Variants in GREM2 observed in about 807,000 individuals in gnomAD.
GREM2 encodes the protein gremlin 2, DAN family BMP antagonist.
A neutral mutation model predicts 14.2 loss-of-function variants in GREM2; 11 were observed. The observed-to-expected ratio is 0.78, with a 90% CI of 0.49 to 1.28. The LOEUF (loss-of-function observed/expected upper bound fraction) is 1.28, where lower values mean the gene tolerates loss of function less well. Ranked by LOEUF, GREM2 falls within the 50% of genes most tolerant of loss-of-function variation. The pLI, the probability that GREM2 is intolerant of heterozygous loss-of-function variation, is 0.00. For missense variants in GREM2, 210 were observed against 218.5 expected (o/e 0.96, Z 0.24); for synonymous variants, 98 against 97.6 (o/e 1.00, Z -0.02).
At chr1:240,509,729 T>A (rs908068719) in intron 1 of GREM2, among the ~76,000 whole-genome samples, 5 of 152,084 alleles carry the variant, frequency 3.3e-5, no homozygotes, top group African/African-American at 1.2e-4. Flanking sequence ...GAAGTTCGAA[T>A]CTCTTTCAGG....
chr1:240,528,756 A>C (rs142370431), intron 1 of GREM2, among the ~76,000 whole-genome samples: 2,249 of 152,262 alleles, frequency 0.015, 40 homozygotes, highest in Non-Finnish European at 0.017. Context: ...TTGCCAGGGA[A>C]ATGATGAACA....
intron 1 of GREM2, among the ~76,000 whole-genome samples, chr1:240,520,678 G>A (rs1678064567): frequency 1.3e-5 from 2 of 151,878 alleles, no homozygotes; most frequent in African/African-American, 2.4e-5. Context: ...AAGTAGCTGG[G>A]ACTACAGGCA....
chr1:240,502,154 T>C (rs1380390740), intron 1 of GREM2, among the ~76,000 whole-genome samples: 1 of 152,070 alleles, frequency 6.6e-6, no homozygotes, highest in Non-Finnish European at 1.5e-5. Context: ...TCTGTCTCTG[T>C]ATACATAAAA....
intron 1 of GREM2, among the ~76,000 whole-genome samples, chr1:240,509,656 C>G (rs768729004): frequency 7.9e-5 from 12 of 152,152 alleles, no homozygotes; most frequent in Non-Finnish European, 1.6e-4. Flanking sequence ...GCATGAGCCA[C>G]TGCACCCGGT....
chr1:240,601,220 G>T (rs528612995), intron 1 of GREM2, among the ~76,000 whole-genome samples: 2 of 152,116 alleles, frequency 1.3e-5, no homozygotes, highest in Non-Finnish European at 2.9e-5. Flanking sequence ...CACATAATTC[G>T]TAAGACAGCG....
chr1:240,600,081 C>T (rs1679892955), intron 1 of GREM2, among the ~76,000 whole-genome samples: 1 of 152,094 alleles, frequency 6.6e-6, no homozygotes, highest in South Asian at 2.1e-4. Flanking sequence ...ATGGTGGAGG[C>T]TCAAAAGGGA....
chr1:240,517,970 A>C (rs1262944398), intron 1 of GREM2, among the ~76,000 whole-genome samples: 1 of 152,198 alleles, frequency 6.6e-6, no homozygotes. Context: ...CTAGGAACAC[A>C]CATAATGCCA....
At chr1:240,535,158 C>T (rs1218398012) in intron 1 of GREM2, among the ~76,000 whole-genome samples, 1 of 152,070 alleles carries the variant, frequency 6.6e-6, no homozygotes, top group Non-Finnish European at 1.5e-5. Flanking sequence ...GTTGTGAGCA[C>T]TTAGTATAGG....
chr1:240,610,521 C>CA (rs913449688), intron 1 of GREM2, among the ~76,000 whole-genome samples: 23 of 151,972 alleles, frequency 1.5e-4, no homozygotes, highest in Non-Finnish European at 4.4e-5. Context: ...AACAAACAAA[C>CA]AAAAAAAGGT....
chr1:240,608,007 A>T lies in GREM2; in HGVS notation c.-2+3877T>A, dbSNP rs141158590. Among the ~76,000 whole-genome samples the T allele has an allele frequency of 3.3e-3, 508 of 152,360 alleles. 3 individuals are homozygous for T. The highest frequency in any genetic ancestry group is 0.024 in the South Asian group (118 of 4,828). ...AGTAAAAGCAACCATACTGTTGATG[A>T]TTAATTGTTATTATCTTATAATTAT... On this transcript the variant is annotated intron_variant, in intron 1 of 1. Transcript: ENST00000318160.
chr1:240,501,646 G>A (rs1677570867), intron 1 of GREM2, among the ~76,000 whole-genome samples: 2 of 149,554 alleles, frequency 1.3e-5, no homozygotes, highest in Non-Finnish European at 3.0e-5. Context: ...ATACACAAGT[G>A]GGCTGCTTCT....
chr1:240,542,466 T>A lies in GREM2; in HGVS notation c.-1-48990A>T, dbSNP rs1263059160. The stretch of plus-strand genomic sequence containing the variant: ...ACTAAAAAAAAAAAAAAAAAAAAAA[T>A]TAGCTGGGTGTGGTGGTGCGCACCT... On this transcript the variant is annotated intron_variant, in intron 1 of 1. Coordinates refer to ENST00000318160, the MANE Select transcript of GREM2 (RefSeq NM_022469.4). This position sits in a 1 kb window ranked among gnomAD's most constrained non-coding sequence, Gnocchi z 4.1. 7.1e-6 allele frequency among the ~76,000 whole-genome samples: 1 copy of A among 140,804 alleles called. No individual in the cohort carries two copies. Among genetic ancestry groups the A allele is most frequent in the African/African-American group, 2.7e-5 (1 of 37,516 alleles). 92.4% of individuals were successfully genotyped at this position (140,804 alleles called of 152,430 possible).
chr1:240,510,318 A>C (rs1037030850), intron 1 of GREM2, among the ~76,000 whole-genome samples: 29 of 137,432 alleles, frequency 2.1e-4, no homozygotes, highest in Middle Eastern at 7.2e-3. Flanking sequence ...TGCACTGAGC[A>C]GAGATCGCGC....
rs1449876084 is a variant in GREM2, at chr1:240,572,915, T to C, written c.-2+38969A>G. Reference sequence around the variant, plus strand: ...CTCTCAACTGGCTTTATAGGTAAAATAAAATGTTTTCCTTACCTGAATAAT... The same window carrying C: ...CTCTCAACTGGCTTTATAGGTAAAACAAAATGTTTTCCTTACCTGAATAAT... On this transcript the variant is annotated intron_variant, in intron 1 of 1. Coordinates refer to ENST00000318160, the MANE Select transcript of GREM2 (RefSeq NM_022469.4). 2.0e-5 allele frequency among the ~76,000 whole-genome samples: 3 copies of C among 152,096 alleles called. No homozygotes were observed. The East Asian group carries it at 5.8e-4, about 29-fold the overall frequency.
At chr1:240,609,032 A>G (rs1254127373) in intron 1 of GREM2, among the ~76,000 whole-genome samples, 2 of 152,202 alleles carry the variant, frequency 1.3e-5, no homozygotes, top group African/African-American at 4.8e-5. Context: ...TTTATTTAAA[A>G]TATTCAGGAT....
At chr1:240,514,770 C>T (rs1408375381) in intron 1 of GREM2, among the ~76,000 whole-genome samples, 1 of 152,062 alleles carries the variant, frequency 6.6e-6, no homozygotes. Flanking sequence ...CTTGGAGGTG[C>T]ACAGCTGTAT....
At chr1:240,561,452 C>A (rs924541505) in intron 1 of GREM2, among the ~76,000 whole-genome samples, 2 of 152,098 alleles carry the variant, frequency 1.3e-5, no homozygotes, top group Non-Finnish European at 2.9e-5. Flanking sequence ...TTTGCCCAAC[C>A]TAACAGTCCC....
intron 1 of GREM2, among the ~76,000 whole-genome samples, chr1:240,555,941 T>G (rs1480414591): frequency 6.6e-6 from 1 of 152,192 alleles, no homozygotes; most frequent in Non-Finnish European, 1.5e-5. Context: ...TATTTTCCCT[T>G]TTGAATTTAT....
At chr1:240,507,408 G>A (rs1201437900) in intron 1 of GREM2, among the ~76,000 whole-genome samples, 1 of 151,262 alleles carries the variant, frequency 6.6e-6, no homozygotes, top group Non-Finnish European at 1.5e-5. Flanking sequence ...TTGGCTCACT[G>A]CAACCTCCGC....
Sources: gnomAD v4.1 joint callset for allele counts (sites outside exome capture counted in the v4.1 genomes callset) on GRCh38, gnomAD v4.1.1 for gene constraint, Gnocchi (gnomAD v3.1) non-coding constraint, MANE v1.5 for transcripts, NCBI Gene and HGNC (gene_info 2026-07-23, HGNC 2026-07-21) for gene names.